BCAS3: variants seen among roughly 807,000 people sequenced by gnomAD.
BCAS3 encodes BCAS4/BCAS3 fusion.
Under a neutral mutation model 116.1 loss-of-function variants are expected in BCAS3, and 53 were observed. The observed-to-expected ratio is 0.46, with a 90% CI of 0.37 to 0.57. BCAS3 has a LOEUF of 0.57. Ranked by LOEUF, BCAS3 falls within the 20% of genes least tolerant of loss-of-function variation. BCAS3 has a pLI of 0.00. For missense variants in BCAS3, 917 were observed against 1,165.4 expected, an observed-to-expected ratio of 0.79 and a Z score of 3.10; for synonymous variants, 391 against 408.2, an observed-to-expected ratio of 0.96 and a Z score of 0.51.
chr17:61,231,323 G>A (rs2082666178), intron 22 of BCAS3, among the ~76,000 whole-genome samples: 1 of 151,976 alleles, frequency 6.6e-6, no homozygotes. Flanking sequence ...ATAGATTCTG[G>A]ATATTAGATT....
intron 6 of BCAS3, among the ~76,000 whole-genome samples, chr17:60,764,247 G>T (rs8080223): frequency 0.27 from 40,714 of 151,196 alleles, 10,700 homozygotes; most frequent in African/African-American, 0.69. Context: ...GCTTTTGAAT[G>T]TGTTTGCTCT....
At chr17:60,700,695 G>A (rs1304652980) in intron 4 of BCAS3, among the ~76,000 whole-genome samples, 2 of 152,166 alleles carry the variant, frequency 1.3e-5, no homozygotes. Context: ...AAAAGTTAGA[G>A]GATTATCCCT....
rs141731964 is a variant in BCAS3, at chr17:61,180,245, A to G, written c.2425+95681A>G. ...TTTATATTAATCCCAAGAGCTTTCT[A>G]ATATTCTTTTCTCATTCTAATGAGA... On this transcript the variant is annotated intron_variant, in intron 22 of 23. Coordinates refer to ENST00000407086, the MANE Select transcript of BCAS3 (RefSeq NM_017679.5). This position sits in a 1 kb window ranked among gnomAD's most constrained non-coding sequence, Gnocchi z 6.0. 1.2e-4 allele frequency among the ~76,000 whole-genome samples: 18 copies of G among 152,286 alleles called. No homozygotes were observed. Among genetic ancestry groups the G allele is most frequent in the African/African-American group, 3.8e-4 (16 of 41,568 alleles).
chr17:60,788,873 A>C (rs2046513864), intron 6 of BCAS3, among the ~76,000 whole-genome samples: 1 of 152,192 alleles, frequency 6.6e-6, no homozygotes, highest in African/African-American at 2.4e-5. Flanking sequence ...TTACATATAA[A>C]ATGTATTGGC....
At chr17:60,845,538 C>A (rs1443246682) in intron 7 of BCAS3, among the ~76,000 whole-genome samples, 2 of 152,214 alleles carry the variant, frequency 1.3e-5, no homozygotes, top group Non-Finnish European at 2.9e-5. Flanking sequence ...GTTTTCCCTT[C>A]AGTTCTCCTG....
chr17:61,127,557 G>T (rs1376111656), intron 22 of BCAS3, among the ~76,000 whole-genome samples: 6 of 151,284 alleles, frequency 4.0e-5, no homozygotes, highest in African/African-American at 1.5e-4. Flanking sequence ...TTTCTCAGTT[G>T]CACTAGCCAC....
At chr17:60,852,598 A>G (rs1400199006) in intron 7 of BCAS3, among the ~76,000 whole-genome samples, 1 of 152,316 alleles carries the variant, frequency 6.6e-6, no homozygotes, top group Admixed American at 6.5e-5. Context: ...ACAAATTGAA[A>G]TGTCTGTACT....
chr17:61,121,741 G>A (rs1352050517), intron 22 of BCAS3, among the ~76,000 whole-genome samples: 1 of 152,192 alleles, frequency 6.6e-6, no homozygotes, highest in Non-Finnish European at 1.5e-5. Flanking sequence ...TTATATGTGT[G>A]TGTGTGTGAG....
chr17:61,138,441 T>C (rs2143920463), intron 22 of BCAS3, among the ~76,000 whole-genome samples: 1 of 152,326 alleles, frequency 6.6e-6, no homozygotes, highest in Admixed American at 6.5e-5. Flanking sequence ...AGATTACTGT[T>C]GTACCTTGGC....
intron 6 of BCAS3, among the ~76,000 whole-genome samples, chr17:60,769,929 C>T (rs1048949063): frequency 2.0e-5 from 3 of 152,008 alleles, no homozygotes; most frequent in African/African-American, 7.3e-5. Context: ...TGCCCGCCAC[C>T]ATGCCCAGCT....
Position 60,962,778 on chromosome 17 carries a change from T to A in BCAS3, c.1221+15426T>A, listed in dbSNP as rs185092073. Among the ~76,000 whole-genome samples the A allele has an allele frequency of 1.3e-5, 2 of 152,308 alleles. No individual in the cohort carries two copies. Among genetic ancestry groups the A allele is most frequent in the Admixed American group, 1.3e-4 (2 of 15,304 alleles). ...CCATTTGTCTATTTTGCTTTGGTTG[T>A]CTAGGTTTTGAGGTCTTACACAAAA... On this transcript the variant is annotated intron_variant, in intron 14 of 23. Transcript: ENST00000407086. The surrounding 1 kb of genome is among the most constrained non-coding windows in gnomAD (Gnocchi z 4.4).
chr17:60,707,399 A>C (rs80017674), intron 4 of BCAS3, among the ~76,000 whole-genome samples: 9,334 of 152,168 alleles, frequency 0.061, 971 homozygotes, highest in African/African-American at 0.21. Context: ...AAGTGCCGGG[A>C]TTACTCAGTC....
At chr17:60,928,787 G>A (rs865914528) in intron 13 of BCAS3, among the ~76,000 whole-genome samples, 4 of 152,144 alleles carry the variant, frequency 2.6e-5, no homozygotes, top group Admixed American at 1.3e-4. Context: ...AGTAATTGGG[G>A]TTAGCCATGG....
At chr17:61,277,428 A>G (rs2050859309) in intron 22 of BCAS3, among the ~76,000 whole-genome samples, 1 of 152,154 alleles carries the variant, frequency 6.6e-6, no homozygotes. Flanking sequence ...CTTTGTGACC[A>G]TGGATTAGGC....
rs1372071005 is a variant in BCAS3 at position 60,960,137 on chromosome 17, C to G, written c.1221+12785C>G. On this transcript the variant is annotated intron_variant, in intron 14 of 23. Coordinates refer to ENST00000407086, the MANE Select transcript of BCAS3 (RefSeq NM_017679.5). The surrounding 1 kb of genome is among the most constrained non-coding windows in gnomAD (Gnocchi z 4.1). ...CTTTTGGGGGCTATAATTCACTTCT[C>G]TGTATTCTATCCTCTGCCTCCCAGA... Among the ~76,000 whole-genome samples, 1 of 152,184 alleles carries G rather than the reference C, an allele frequency of 6.6e-6. No homozygotes were observed. The highest frequency in any genetic ancestry group is 1.9e-4 in the East Asian group (1 of 5,198).
At chr17:60,722,908 G>A (rs576792669) in intron 5 of BCAS3, among the ~76,000 whole-genome samples, 112 of 152,134 alleles carry the variant, frequency 7.4e-4, no homozygotes, top group Admixed American at 1.1e-3. Flanking sequence ...CAAAAATGTG[G>A]CATGTGCCTG....
chr17:60,956,569 A>G lies in BCAS3; in HGVS notation c.1221+9217A>G, dbSNP rs1228192233. Among the ~76,000 whole-genome samples the G allele has an allele frequency of 6.6e-6, 1 of 152,224 alleles. No homozygotes were observed. The highest frequency in any genetic ancestry group is 1.9e-4 in the East Asian group (1 of 5,198). Reference sequence around the variant, plus strand: ...GCCATTTAATTTATCTATAAGTTCAATATGGAAATAGAAATTTTGCTTAAG... The same window carrying G: ...GCCATTTAATTTATCTATAAGTTCAGTATGGAAATAGAAATTTTGCTTAAG... On this transcript the variant is annotated intron_variant, in intron 14 of 23. Transcript: ENST00000407086. This position sits in a 1 kb window ranked among gnomAD's most constrained non-coding sequence, Gnocchi z 4.2.
chr17:61,277,279 A>AG (rs2050844168), intron 22 of BCAS3, among the ~76,000 whole-genome samples: 1 of 151,276 alleles, frequency 6.6e-6, no homozygotes, highest in African/African-American at 2.4e-5. Flanking sequence ...AAAAAAAAAA[A>AG]AAAAGGTGGT....
chr17:60,916,559 A>G (rs1157944761), intron 12 of BCAS3, among the ~76,000 whole-genome samples: 2 of 152,222 alleles, frequency 1.3e-5, no homozygotes, highest in East Asian at 1.9e-4. Flanking sequence ...AAATAAAGGT[A>G]TATGTGAGAT....
Sources: allele counts gnomAD v4.1 joint callset (sites outside exome capture counted in the v4.1 genomes callset), GRCh38; gene constraint gnomAD v4.1.1; non-coding constraint Gnocchi (gnomAD v3.1); transcripts MANE v1.5; gene names NCBI Gene and HGNC (gene_info 2026-07-23, HGNC 2026-07-21).